MORN5: variants seen among roughly 807,000 people sequenced by gnomAD.
MORN5 encodes MORN repeat-containing protein 5.
Under a neutral mutation model 22.1 loss-of-function variants are expected in MORN5, and 21 were observed. That is an observed-to-expected ratio of 0.95 (90% CI 0.67 to 1.37). MORN5 has a LOEUF of 1.37. MORN5 is among the 40% of genes most tolerant of loss of function. MORN5 has a pLI of 0.00. For missense variants in MORN5, 211 were observed against 215.1 expected, an observed-to-expected ratio of 0.98 and a Z score of 0.12; for synonymous variants, 73 against 74.0, an observed-to-expected ratio of 0.99 and a Z score of 0.07.
rs376928771 is a variant in MORN5 at position 122,174,700 on chromosome 9, T to C, written c.439+73T>C. 43 of 1,610,928 alleles carry C rather than the reference T, an allele frequency of 2.7e-5. No individual in the cohort carries two copies. In the African/African-American group the frequency reaches 5.2e-4, roughly 19 times the overall value. ...GAGTATGTGCATCTGTATGTACAAA[T>C]GTATGCACACACTTGATGAGAAAGA... On this transcript the variant is annotated intron_variant, in intron 4 of 4. Transcript: ENST00000373764.
In MORN5 at chr9:122,166,826, A is replaced by T. The variant is rs1334113041; in HGVS notation, c.106A>T (p.Lys36Ter). The change falls in exon 2 of 5, where the codon AAG becomes TAG. Residue 36 changes from lysine (K) to a stop codon, truncating the protein, a stop_gained. Transcript: ENST00000373764. LOFTEE classifies it high-confidence loss of function. ...PTETIYVGEM[K>*]DGMFHGEGTL... ...CGAAACAATATATGTTGGGGAAATG[A>T]AGGATGGCATGTTTCACGGCGAGGG... 6.2e-7 allele frequency: 1 copy of T among 1,613,946 alleles called. No homozygotes were observed. The highest frequency in any genetic ancestry group is 1.1e-5 in the South Asian group (1 of 91,062).
chr9:122,163,447 A>G (rs370026815), intron 1 of MORN5, among the ~76,000 whole-genome samples: 69 of 152,384 alleles, frequency 4.5e-4, no homozygotes, highest in African/African-American at 1.6e-3. Flanking sequence ...CAGAGGCCAC[A>G]TACAGTCGGA....
chr9:122,199,279 A>G (rs62574049), intron 4 of MORN5, among the ~76,000 whole-genome samples: 1,806 of 152,304 alleles, frequency 0.012, 15 homozygotes, highest in Non-Finnish European at 0.018. Flanking sequence ...TTCATCTGTA[A>G]AACGGTGGTG....
chr9:122,174,057 G>A (rs1390077647), intron 3 of MORN5, among the ~76,000 whole-genome samples: 1 of 152,198 alleles, frequency 6.6e-6, no homozygotes, highest in Non-Finnish European at 1.5e-5. Context: ...CTTCATACGT[G>A]CTCTGCTCTA....
intron 3 of MORN5, among the ~76,000 whole-genome samples, chr9:122,172,261 G>A (rs1172176637): frequency 7.9e-5 from 12 of 151,192 alleles, no homozygotes; most frequent in African/African-American, 2.2e-4. Context: ...ATGCCCGGCC[G>A]CTTACATCTT....
chr9:122,169,463 G>A (rs749871936), intron 2 of MORN5, among the ~76,000 whole-genome samples, 182 bp from the exon 3 acceptor site: 2 of 152,248 alleles, frequency 1.3e-5, no homozygotes, highest in African/African-American at 2.4e-5. Flanking sequence ...CACTTTGAGC[G>A]GCAGGGACAG....
Position 122,174,639 on chromosome 9 carries a change from C to A in MORN5, c.439+12C>A. 6.2e-7 allele frequency: 1 copy of A among 1,614,050 alleles called. No individual in the cohort carries two copies. The highest frequency in any genetic ancestry group is 8.5e-7 in the Non-Finnish European group (1 of 1,179,986). On this transcript the variant is annotated intron_variant, in intron 4 of 4. Coordinates refer to ENST00000373764, the MANE Select transcript of MORN5 (RefSeq NM_198469.4). ...TCTAAGAAACGCAGGTAGGTTTCTT[C>A]CGACACTGCAGCACGTTTTCTCTTC...
At chr9:122,167,496 G>A (rs1829304733) in intron 2 of MORN5, among the ~76,000 whole-genome samples, 1 of 151,620 alleles carries the variant, frequency 6.6e-6, no homozygotes. Context: ...GGGATTACAG[G>A]TATGTGCCAC....
rs1266354094 is a variant in MORN5, at chr9:122,159,930, T to C, written c.-43T>C. The C allele has an allele frequency of 6.2e-7, 1 of 1,601,844 alleles. No homozygotes were observed. The highest frequency in any genetic ancestry group is 1.1e-5 in the South Asian group (1 of 90,878). ...GTTGTCATAGTGATGCCGTATCCACTGAGACTCCGGATCCTAACAGCTGGA... is the reference window on the plus strand; with the variant it reads ...GTTGTCATAGTGATGCCGTATCCACCGAGACTCCGGATCCTAACAGCTGGA... On this transcript the variant is annotated 5_prime_UTR_variant, in exon 1 of 5. Transcript: ENST00000373764.
chr9:122,175,371 G>A, intron 4 of MORN5: 9 of 752,450 alleles, frequency 1.2e-5, no homozygotes, highest in Non-Finnish European at 1.5e-5. Context: ...GGAGGATCCA[G>A]AACCTCAGTT....
intron 2 of MORN5, among the ~76,000 whole-genome samples, chr9:122,168,821 G>T (rs187860935): frequency 2.6e-5 from 4 of 152,142 alleles, no homozygotes; most frequent in African/African-American, 7.2e-5. Flanking sequence ...GATATATAGA[G>T]ATGTATGGAA....
chr9:122,183,083 T>C (rs1829561260), intron 4 of MORN5, among the ~76,000 whole-genome samples: 1 of 152,230 alleles, frequency 6.6e-6, no homozygotes, highest in African/African-American at 2.4e-5. Context: ...CCCAAGTGAA[T>C]GAAAAGGTCC....
intron 2 of MORN5, among the ~76,000 whole-genome samples, chr9:122,168,228 C>CA (rs1178229310): frequency 6.6e-6 from 1 of 152,190 alleles, no homozygotes; most frequent in Admixed American, 6.5e-5. Context: ...TCCCAGCACA[C>CA]AAGAGGCACT....
chr9:122,196,679 T>G (rs762529224), intron 4 of MORN5, among the ~76,000 whole-genome samples: 6 of 152,328 alleles, frequency 3.9e-5, no homozygotes, highest in Admixed American at 2.6e-4. Flanking sequence ...TACCCATTAG[T>G]GAAAGAAGAT....
At chr9:122,179,772 C>T (rs750781385) in intron 4 of MORN5, among the ~76,000 whole-genome samples, 2 of 152,176 alleles carry the variant, frequency 1.3e-5, no homozygotes, top group African/African-American at 2.4e-5. Context: ...ACTCACCTCA[C>T]CCTGTGAGGG....
chr9:122,199,783 G>A (rs534690703), intron 4 of MORN5, 102 bp from the exon 5 acceptor site: 25 of 1,060,130 alleles, frequency 2.4e-5, no homozygotes, highest in South Asian at 8.9e-5. Context: ...ACTGGCCATC[G>A]ACGGACCATC....
chr9:122,189,666 G>A (rs1189724211), intron 4 of MORN5, among the ~76,000 whole-genome samples: 1 of 152,038 alleles, frequency 6.6e-6, no homozygotes, highest in Non-Finnish European at 1.5e-5. Context: ...GAGTGCAGTG[G>A]CATGATCTCG....
At chr9:122,190,455 A>G (rs1829737721) in intron 4 of MORN5, among the ~76,000 whole-genome samples, 1 of 152,276 alleles carries the variant, frequency 6.6e-6, no homozygotes, top group South Asian at 2.1e-4. Flanking sequence ...TTTCAAGTGT[A>G]ATAAAATTGT....
At chr9:122,162,517 A>G (rs1180861690) in intron 1 of MORN5, among the ~76,000 whole-genome samples, 2 of 152,238 alleles carry the variant, frequency 1.3e-5, no homozygotes, top group Admixed American at 1.3e-4. Flanking sequence ...AAAGACATGT[A>G]TACAAGTACT....
Sources: gnomAD v4.1 joint callset for allele counts (sites outside exome capture counted in the v4.1 genomes callset) on GRCh38, gnomAD v4.1.1 for gene constraint, MANE v1.5 for transcripts, NCBI Gene and HGNC (gene_info 2026-07-23, HGNC 2026-07-21) for gene names.